The following FIS1 variants were observed in gnomAD, a reference collection of about 807,000 sequenced individuals.
FIS1 encodes mitochondrial fission 1 protein.
In FIS1, 16 loss-of-function variants were observed where a neutral mutation model predicts 21.6. The ratio of observed to expected loss-of-function variants is 0.74; its 90% CI spans 0.50 to 1.12. FIS1 has a LOEUF of 1.12. FIS1 is among the 50% of genes most tolerant of loss of function. The pLI is 0.00. For synonymous variants in FIS1, 92 were observed against 82.2 expected (o/e 1.12, Z -0.65); for missense variants, 198 against 190.9 (o/e 1.04, Z -0.22).
chr7:101,240,487 C>T (rs752714553), intron 3 of FIS1, among the ~76,000 whole-genome samples: 1 of 152,172 alleles, frequency 6.6e-6, no homozygotes, highest in Non-Finnish European at 1.5e-5. Context: ...ACCACTCCCC[C>T]TGCCCACGTG....
intron 1 of FIS1, 36 bp from the exon 2 acceptor site, chr7:101,244,175 T>C (rs369923683): frequency 3.7e-6 from 6 of 1,601,792 alleles, no homozygotes; most frequent in Non-Finnish European, 5.1e-6. Flanking sequence ...TTTAGAAATG[T>C]AGGGCGTCAA....
At chr7:101,242,149 T>C (rs1202486060) in intron 2 of FIS1, among the ~76,000 whole-genome samples, 12 of 152,110 alleles carry the variant, frequency 7.9e-5, no homozygotes. Flanking sequence ...TGGTCTCAAA[T>C]TCCTGACTTC....
Position 101,244,099 on chromosome 7 carries a change from G to C in FIS1, c.86C>G (p.Ser29Trp), listed in dbSNP as rs759369132. 1.2e-6 allele frequency: 2 copies of C among 1,613,926 alleles called. No individual in the cohort carries two copies. The highest frequency in any genetic ancestry group is 1.7e-6 in the Non-Finnish European group (2 of 1,179,852). The stretch of plus-strand genomic sequence containing the variant: ...CTCAAACTGCGTGCTCTTGGACACC[G>C]AGCCTGCTGCCTTCTCAGACTGAAA... ...KKFQSEKAAG[S>W]VSKSTQFEYA... Residue 29 changes from serine (S) to tryptophan (W), a missense_variant, in exon 2 of 5, where the codon TCG becomes TGG. Ser to Trp is a radical substitution (Grantham distance 177). Coordinates refer to ENST00000223136, the MANE Select transcript of FIS1 (RefSeq NM_016068.3).
chr7:101,241,411 G>C (rs1421641871), intron 2 of FIS1, among the ~76,000 whole-genome samples: 2 of 151,852 alleles, frequency 1.3e-5, no homozygotes, highest in Non-Finnish European at 2.9e-5. Flanking sequence ...AGTAGAGATG[G>C]AGTTTCACCA....
At chr7:101,242,868 A>G (rs2116850444) in intron 2 of FIS1, among the ~76,000 whole-genome samples, 1 of 152,254 alleles carries the variant, frequency 6.6e-6, no homozygotes, top group South Asian at 2.1e-4. Context: ...CATGGATCAA[A>G]AATACTCAGA....
intron 2 of FIS1, chr7:101,241,862 G>A (rs1798755255): frequency 6.6e-6 from 1 of 151,624 alleles, no homozygotes; most frequent in Non-Finnish European, 1.5e-5. Flanking sequence ...GGGAGGCTGG[G>A]GCAGCAGAAT....
intron 1 of FIS1, 87 bp downstream of exon 1, chr7:101,244,873 G>C: frequency 1.3e-6 from 2 of 1,542,490 alleles, no homozygotes; most frequent in East Asian, 4.5e-5. Flanking sequence ...CCAAGCCGAT[G>C]CCGGGAGGAG....
At chr7:101,243,949 G>A in intron 2 of FIS1, 58 bp downstream of exon 2, 1 of 1,558,418 alleles carries the variant, frequency 6.4e-7, no homozygotes, top group South Asian at 1.2e-5. Context: ...TGGACTACGG[G>A]GCCCACATCG....
chr7:101,242,135 CA>C (rs1798758797), intron 2 of FIS1, among the ~76,000 whole-genome samples: 1 of 152,074 alleles, frequency 6.6e-6, no homozygotes, highest in Admixed American at 6.6e-5. Context: ...ACAGACAGGC[CA>C]GGTGGTCTCA....
chr7:101,239,966 C>A, intron 4 of FIS1, 63 bp from the exon 5 acceptor site: 4 of 1,491,590 alleles, frequency 2.7e-6, no homozygotes, highest in Non-Finnish European at 3.7e-6. Flanking sequence ...CCGTCCCCTT[C>A]CGCCAGCCCT....
intron 2 of FIS1, 147 bp downstream of exon 2, chr7:101,243,860 G>A (rs1251750400): frequency 1.1e-5 from 12 of 1,053,878 alleles, no homozygotes; most frequent in Non-Finnish European, 1.6e-5. Flanking sequence ...GCGGTAAGTA[G>A]CCAAAAGTTC....
intron 3 of FIS1, 27 bp from the exon 4 acceptor site, chr7:101,240,274 C>A: frequency 6.2e-7 from 1 of 1,602,900 alleles, no homozygotes; most frequent in Non-Finnish European, 8.5e-7. Context: ...GCGCACGCGT[C>A]ATACACACCG....
chr7:101,244,725 G>C (rs892673123), intron 1 of FIS1: 2 of 573,496 alleles, frequency 3.5e-6, no homozygotes, highest in Non-Finnish European at 6.2e-6. Context: ...AACCACGGTC[G>C]GGCTCCAGGC....
chr7:101,244,508 C>G (rs1798788227), intron 1 of FIS1: 1 of 338,840 alleles, frequency 3.0e-6, no homozygotes, highest in Non-Finnish European at 5.5e-6. Context: ...CCTGCCCCAC[C>G]CTGCCGGGCC....
At chr7:101,242,872 A>T (rs1278648036) in intron 2 of FIS1, among the ~76,000 whole-genome samples, 2 of 151,964 alleles carry the variant, frequency 1.3e-5, no homozygotes, top group African/African-American at 4.8e-5. Context: ...GATCAAAAAT[A>T]CTCAGAAAAA....
chr7:101,240,946 C>T (rs1408615568), intron 2 of FIS1, 40 bp from the exon 3 acceptor site: 3 of 1,591,430 alleles, frequency 1.9e-6, no homozygotes, highest in Admixed American at 3.3e-5. Context: ...ATGCTTCTTT[C>T]CTAATACTTT....
rs768191334 is a variant in FIS1, at chr7:101,244,749, T to G, written c.45+211A>C. On this transcript the variant is annotated intron_variant, in intron 1 of 4. Transcript: ENST00000223136. ...CGGGCTCCAGGCCCGTAGTCTGAGG[T>G]GTGGGGGGCTCAGGACACTACAACT... The G allele has an allele frequency of 8.4e-6, 5 of 593,778 alleles. No homozygotes were observed. The East Asian group carries it at 1.1e-4, about 14-fold the overall frequency. The allele number at this position is 593,778 out of a possible 1,614,324, so 36.8% of individuals were successfully genotyped here. A position where few individuals can be genotyped will look rare whatever the true frequency, so the allele number is the denominator to read the frequency against.
chr7:101,240,229 T>A lies in FIS1; in HGVS notation c.274A>T (p.Lys92Ter). The change falls in exon 4 of 5, where the codon AAG (lysine) becomes TAG (stop). Residue 92 changes from lysine (K) to a stop codon, truncating the protein, a stop_gained. Transcript: ENST00000223136. LOFTEE classifies it high-confidence loss of function. ...YRLKEYEKAL[K>*]YVRGLLQTEP... ...GTCTGCAGCAACCCGCGGACGTACT[T>A]TAAGGCCTTCTCGTATTCCTGCGCT... The A allele has an allele frequency of 6.2e-7, 1 of 1,614,206 alleles. No individual in the cohort carries two copies. Among genetic ancestry groups the A allele is most frequent in the Non-Finnish European group, 8.5e-7 (1 of 1,180,024 alleles).
At chr7:101,244,790 G>T in intron 1 of FIS1, 170 bp downstream of exon 1, 1 of 729,662 alleles carries the variant, frequency 1.4e-6, no homozygotes, top group Non-Finnish European at 2.3e-6. Context: ...GAGCCTCTGC[G>T]GCATAGCAGG....
Sources: allele counts gnomAD v4.1 joint callset (sites outside exome capture counted in the v4.1 genomes callset), GRCh38; gene constraint gnomAD v4.1.1; transcripts MANE v1.5; gene names NCBI Gene and HGNC (gene_info 2026-07-23, HGNC 2026-07-21).